ACER2: variants seen among roughly 807,000 people sequenced by gnomAD.
ACER2 encodes alkCDase 2.
In ACER2, 26 loss-of-function variants were observed where a neutral mutation model predicts 34.7. The observed-to-expected ratio is 0.75, with a 90% CI of 0.55 to 1.04. The LOEUF is 1.04. Among genes scored for constraint, ACER2 ranks in the 50% least tolerant of loss-of-function variants. The pLI is 0.00. For missense variants in ACER2, 352 were observed against 340.8 expected, an observed-to-expected ratio of 1.03 and a Z score of -0.26; for synonymous variants, 138 against 132.1, an observed-to-expected ratio of 1.04 and a Z score of -0.31.
chr9:19,418,055 C>A (rs1830288056), intron 1 of ACER2, among the ~76,000 whole-genome samples: 1 of 152,192 alleles, frequency 6.6e-6, no homozygotes, highest in Admixed American at 6.5e-5. Flanking sequence ...ACAGACACTT[C>A]TCAAAAGAAG....
intron 1 of ACER2, among the ~76,000 whole-genome samples, chr9:19,419,123 G>A (rs528000126): frequency 7.2e-5 from 11 of 152,048 alleles, no homozygotes; most frequent in African/African-American, 2.2e-4. Flanking sequence ...CCCAGGAGGC[G>A]GAGGTTGCAG....
intron 1 of ACER2, among the ~76,000 whole-genome samples, chr9:19,413,187 C>G (rs146851866): frequency 1.2e-3 from 177 of 152,342 alleles, no homozygotes; most frequent in African/African-American, 4.0e-3. Context: ...TCAGCCAAGC[C>G]TAATATCTCT....
chr9:19,450,651 C>G lies in ACER2; in HGVS notation c.*15C>G, dbSNP rs1280463576. On this transcript the variant is annotated 3_prime_UTR_variant, in exon 6 of 6. Coordinates refer to ENST00000340967, the MANE Select transcript of ACER2 (RefSeq NM_001010887.3). ...AGATCACGTGATGGCAAGATGGTGG[C>G]TGGCTTCTCTGCTTATCGCCCCTCA... The G allele has an allele frequency of 6.5e-7, 1 of 1,535,784 alleles. No individual in the cohort carries two copies. Among genetic ancestry groups the G allele is most frequent in the Non-Finnish European group, 8.9e-7 (1 of 1,124,312 alleles).
chr9:19,450,230 T>A (rs1157317658), intron 5 of ACER2: 2 of 985,328 alleles, frequency 2.0e-6, no homozygotes, highest in Non-Finnish European at 2.4e-6. Flanking sequence ...CAGGACTATT[T>A]AAGAACATTC....
chr9:19,444,193 G>C (rs1483970703), intron 4 of ACER2, among the ~76,000 whole-genome samples: 1 of 137,954 alleles, frequency 7.2e-6, no homozygotes, highest in Non-Finnish European at 1.6e-5. Context: ...AAAGAAAGTC[G>C]CAAAAAAAAA....
chr9:19,447,161 A>T (rs1831400584), intron 5 of ACER2, among the ~76,000 whole-genome samples: 1 of 152,176 alleles, frequency 6.6e-6, no homozygotes, highest in African/African-American at 2.4e-5. Flanking sequence ...GTCCTCCAGG[A>T]CTTCTGATTG....
chr9:19,424,062 A>T (rs1830490472), intron 2 of ACER2, 86 bp downstream of exon 2: 1 of 1,192,882 alleles, frequency 8.4e-7, no homozygotes, highest in East Asian at 2.4e-5. Flanking sequence ...CTCCCCTTTG[A>T]ACATAATGTT....
chr9:19,451,827 C>T lies in ACER2; in HGVS notation c.*1191C>T, dbSNP rs1333983226. 1 of 152,162 alleles carries T rather than the reference C, an allele frequency of 6.6e-6. No homozygotes were observed. The highest frequency in any genetic ancestry group is 1.9e-4 in the East Asian group (1 of 5,198). The allele number at this position is 152,162 out of a possible 1,614,324, so 9.4% of individuals were successfully genotyped here. A position where few individuals can be genotyped will look rare whatever the true frequency, so the allele number is the denominator to read the frequency against. ...GAAGCCTCCAGTATGCTGTACTATT[C>T]TGGAAATTACCTTCAAGAGTCTCAC... On this transcript the variant is annotated 3_prime_UTR_variant, in exon 6 of 6. Coordinates refer to ENST00000340967, the MANE Select transcript of ACER2 (RefSeq NM_001010887.3).
intron 4 of ACER2, among the ~76,000 whole-genome samples, chr9:19,443,144 C>T (rs182443560): frequency 7.2e-4 from 109 of 152,348 alleles, no homozygotes; most frequent in African/African-American, 2.5e-3. Context: ...CATTCTCCTG[C>T]TTCAGTCTCC....
At chr9:19,416,227 T>C (rs1452872771) in intron 1 of ACER2, among the ~76,000 whole-genome samples, 1 of 152,232 alleles carries the variant, frequency 6.6e-6, no homozygotes, top group African/African-American at 2.4e-5. Flanking sequence ...TTCCTTTTAT[T>C]GCTAGTTTAA....
At chr9:19,439,949 T>C (rs1460178900) in intron 4 of ACER2, among the ~76,000 whole-genome samples, 3 of 152,166 alleles carry the variant, frequency 2.0e-5, no homozygotes, top group Admixed American at 2.0e-4. Context: ...CACTACAGCC[T>C]GGGCAACAGA....
At chr9:19,444,961 C>T (rs999056426) in intron 4 of ACER2, among the ~76,000 whole-genome samples, 2 of 152,178 alleles carry the variant, frequency 1.3e-5, no homozygotes, top group African/African-American at 4.8e-5. Context: ...GATGCTTTCG[C>T]TGATGTTTGT....
chr9:19,436,176 C>A (rs959622986), intron 4 of ACER2, among the ~76,000 whole-genome samples: 3 of 151,876 alleles, frequency 2.0e-5, no homozygotes, highest in Non-Finnish European at 4.4e-5. Flanking sequence ...CTCAGCGTCC[C>A]AAAGTATTGG....
Position 19,452,386 on chromosome 9 carries a change from T to G in ACER2, c.*1750T>G, listed in dbSNP as rs1471198957. Among the ~76,000 whole-genome samples, 1 of 152,204 alleles carries G rather than the reference T, an allele frequency of 6.6e-6. No individual in the cohort carries two copies. Among genetic ancestry groups the G allele is most frequent in the Non-Finnish European group, 1.5e-5 (1 of 68,030 alleles). Reference sequence around the variant, plus strand: ...TAAAAATGAATGACTTTATGCTACATCTGTGGTTATCAAATTATATAGGTT... The same window carrying G: ...TAAAAATGAATGACTTTATGCTACAGCTGTGGTTATCAAATTATATAGGTT... On this transcript the variant is annotated 3_prime_UTR_variant, in exon 6 of 6. Transcript: ENST00000340967.
intron 1 of ACER2, among the ~76,000 whole-genome samples, chr9:19,410,637 G>T (rs979721341): frequency 4.6e-5 from 7 of 152,182 alleles, no homozygotes; most frequent in African/African-American, 1.7e-4. Flanking sequence ...CTGAGCCTGG[G>T]AGTTGAAGGC....
At chr9:19,420,457 C>T (rs1281332590) in intron 1 of ACER2, among the ~76,000 whole-genome samples, 1 of 152,138 alleles carries the variant, frequency 6.6e-6, no homozygotes, top group Non-Finnish European at 1.5e-5. Context: ...AGAGATGAGA[C>T]TTAAAAGCTG....
chr9:19,432,540 CTA>C (rs151316778), intron 3 of ACER2, among the ~76,000 whole-genome samples: 3 of 149,530 alleles, frequency 2.0e-5, no homozygotes, highest in Non-Finnish European at 3.0e-5. Flanking sequence ...CCTGCAAAAC[CTA>C]TATATATATG....
chr9:19,441,726 T>G (rs768023250), intron 4 of ACER2, among the ~76,000 whole-genome samples: 7 of 152,190 alleles, frequency 4.6e-5, no homozygotes, highest in Non-Finnish European at 7.3e-5. Flanking sequence ...CGACTTCACA[T>G]AGGCAGGGAC....
intron 5 of ACER2, among the ~76,000 whole-genome samples, chr9:19,448,677 A>T (rs1449727316): frequency 6.6e-6 from 1 of 152,180 alleles, no homozygotes; most frequent in Non-Finnish European, 1.5e-5. Context: ...ATATACTGGA[A>T]ACTCTTAAAT....
Sources: gnomAD v4.1 joint callset for allele counts (sites outside exome capture counted in the v4.1 genomes callset) on GRCh38, gnomAD v4.1.1 for gene constraint, MANE v1.5 for transcripts, NCBI Gene and HGNC (gene_info 2026-07-23, HGNC 2026-07-21) for gene names.